The following GRB10 variants were observed in gnomAD, a reference collection of about 807,000 sequenced individuals.
The protein encoded by GRB10 is growth factor receptor bound protein 10.
Under a neutral mutation model 80.9 loss-of-function variants are expected in GRB10, and 20 were observed. The observed-to-expected ratio is 0.25, with a 90% CI of 0.17 to 0.36. The LOEUF (loss-of-function observed/expected upper bound fraction) is 0.36. GRB10 is among the 10% of genes least tolerant of loss of function. GRB10 has a pLI of 1.00. For missense variants in GRB10, 548 were observed against 747.7 expected (o/e 0.73, Z 3.12); for synonymous variants, 291 against 291.5 (o/e 1.00, Z 0.02).
At chr7:50,733,337 C>A (rs1226015467) in intron 3 of GRB10, among the ~76,000 whole-genome samples, 1 of 152,136 alleles carries the variant, frequency 6.6e-6, no homozygotes, top group Non-Finnish European at 1.5e-5. Flanking sequence ...AGTCCCCTCG[C>A]CCCCTCCCCA....
chr7:50,792,006 T>C (rs928470393), intron 1 of GRB10, among the ~76,000 whole-genome samples: 4 of 152,190 alleles, frequency 2.6e-5, no homozygotes, highest in Non-Finnish European at 5.9e-5. Context: ...TTGCCAGCAT[T>C]GTGTTGTAAA....
chr7:50,678,712 T>G (rs1482672836), intron 5 of GRB10, among the ~76,000 whole-genome samples: 4 of 152,226 alleles, frequency 2.6e-5, no homozygotes, highest in African/African-American at 7.2e-5. Context: ...GAAATCACAC[T>G]GAGTTCTTAC....
At chr7:50,699,941 C>T (rs181932976) in intron 5 of GRB10, among the ~76,000 whole-genome samples, 7 of 152,226 alleles carry the variant, frequency 4.6e-5, no homozygotes, top group Admixed American at 1.3e-4. Flanking sequence ...CGAGACCATC[C>T]TACCTAACAT....
intron 7 of GRB10, among the ~76,000 whole-genome samples, chr7:50,667,750 G>A (rs1410231684): frequency 6.6e-6 from 1 of 152,052 alleles, no homozygotes; most frequent in Non-Finnish European, 1.5e-5. Context: ...CGTTTCTGTG[G>A]GCTTGAGGAC....
At chr7:50,653,822 T>C (rs1459669447) in intron 7 of GRB10, among the ~76,000 whole-genome samples, 5 of 152,166 alleles carry the variant, frequency 3.3e-5, no homozygotes, top group African/African-American at 1.2e-4. Context: ...GTAAAGTTGG[T>C]AGATCAAAAA....
intron 13 of GRB10, among the ~76,000 whole-genome samples, chr7:50,609,180 A>G: frequency 6.6e-6 from 1 of 152,364 alleles, no homozygotes; most frequent in South Asian, 2.1e-4. Flanking sequence ...AAATAATACA[A>G]TTAAATCACA....
chr7:50,747,917 T>C (rs1020682870), intron 3 of GRB10, among the ~76,000 whole-genome samples: 1 of 152,032 alleles, frequency 6.6e-6, no homozygotes, highest in African/African-American at 2.4e-5. Context: ...TAGGAAATTC[T>C]AGAAGGCAAG....
At chr7:50,760,024 T>C (rs1248819873) in intron 2 of GRB10, among the ~76,000 whole-genome samples, 1 of 152,140 alleles carries the variant, frequency 6.6e-6, no homozygotes, top group African/African-American at 2.4e-5. Context: ...CCAATAATCC[T>C]CAGTGTGGGG....
At chr7:50,674,857 C>T (rs530432067) in intron 5 of GRB10, among the ~76,000 whole-genome samples, 199 bp from the exon 6 acceptor site, 15 of 152,286 alleles carry the variant, frequency 9.8e-5, no homozygotes, top group African/African-American at 3.6e-4. Flanking sequence ...ACTGACATTC[C>T]AGAGACAATT....
chr7:50,603,041 G>A (rs150992505), intron 17 of GRB10, among the ~76,000 whole-genome samples: 225 of 152,330 alleles, frequency 1.5e-3, no homozygotes, highest in African/African-American at 5.2e-3. Flanking sequence ...TTATGTAAAT[G>A]TGAAAATTTC....
chr7:50,705,125 TGC>T, intron 4 of GRB10: 1 of 984,944 alleles, frequency 1.0e-6, no homozygotes, highest in Non-Finnish European at 1.2e-6. Context: ...ACTTCTCTGC[TGC>T]GTGCACACTG....
At position 50,788,456 on chromosome 7, in the gene GRB10, A is replaced by G. The variant is rs75976746; in HGVS notation, c.-294+4768T>C. ...GTCCCCTTGGAGCTCCCAGAGTGAG[A>G]CCCCTGACAGCTCACAGACAGGACC... On this transcript the variant is annotated intron_variant, in intron 1 of 16. Coordinates refer to the GRB10 transcript ENST00000335866. Among the ~76,000 whole-genome samples the G allele has an allele frequency of 8.5e-3, 1,298 of 152,066 alleles. 10 individuals are homozygous for G. Among genetic ancestry groups the G allele is most frequent in the African/African-American group, 0.029 (1,206 of 41,472 alleles).
At chr7:50,711,975 G>A (rs1169460831) in intron 4 of GRB10, among the ~76,000 whole-genome samples, 1 of 152,106 alleles carries the variant, frequency 6.6e-6, no homozygotes, top group Non-Finnish European at 1.5e-5. Context: ...GCGTGGGTGT[G>A]AGACCCATTG....
At chr7:50,726,769 C>T (rs908762394) in intron 4 of GRB10, 2 of 152,096 alleles carry the variant, frequency 1.3e-5, no homozygotes, top group African/African-American at 4.8e-5. Flanking sequence ...CAAAGAAATT[C>T]AATAAGTCCA....
At chr7:50,730,108 A>G (rs911212835) in intron 4 of GRB10, among the ~76,000 whole-genome samples, 3 of 152,250 alleles carry the variant, frequency 2.0e-5, no homozygotes, top group Admixed American at 6.5e-5. Context: ...GATTTCTCCA[A>G]GGTCAGAGAA....
intron 2 of GRB10, chr7:50,779,350 T>C (rs1040196568): frequency 6.6e-6 from 1 of 152,212 alleles, no homozygotes. Flanking sequence ...GAGATTCCCA[T>C]GCATATTAAA....
At chr7:50,652,925 C>T (rs1369276225) in intron 7 of GRB10, among the ~76,000 whole-genome samples, 2 of 152,202 alleles carry the variant, frequency 1.3e-5, no homozygotes, top group African/African-American at 4.8e-5. Flanking sequence ...CTCAACAACA[C>T]AATTCACTGT....
intron 7 of GRB10, among the ~76,000 whole-genome samples, chr7:50,650,959 A>G (rs1451305806): frequency 2.0e-5 from 3 of 152,228 alleles, no homozygotes; most frequent in Non-Finnish European, 4.4e-5. Context: ...ATTCTTTTGC[A>G]GCTTATCAAC....
At chr7:50,667,809 G>A (rs1392592883) in intron 7 of GRB10, among the ~76,000 whole-genome samples, 1 of 152,196 alleles carries the variant, frequency 6.6e-6, no homozygotes, top group African/African-American at 2.4e-5. Flanking sequence ...AACAAGCTCT[G>A]ATCCCAAGAA....
Sources: allele counts gnomAD v4.1 joint callset (sites outside exome capture counted in the v4.1 genomes callset), GRCh38; gene constraint gnomAD v4.1.1; transcripts MANE v1.5; gene names NCBI Gene and HGNC (gene_info 2026-07-23, HGNC 2026-07-21).